The following MIOX variants were observed in gnomAD, a reference collection of about 807,000 sequenced individuals.
MIOX encodes myo-inositol oxygenase, also known as inositol oxygenase.
MIOX carries 51 observed loss-of-function variants against 42.7 expected under a neutral mutation model. The ratio of observed to expected loss-of-function variants is 1.19; its 90% CI spans 0.95 to 1.51. The LOEUF (loss-of-function observed/expected upper bound fraction) is 1.51. MIOX is among the 40% of genes most tolerant of loss of function. The probability of loss-of-function intolerance (pLI) is 0.00; values close to 1 mark genes in which losing one functional copy is unlikely to be tolerated. For missense variants in MIOX, 395 were observed against 381.3 expected (o/e 1.04, Z -0.30); for synonymous variants, 168 against 154.4 (o/e 1.09, Z -0.65).
intron 1 of MIOX, among the ~76,000 whole-genome samples, 192 bp from the exon 2 acceptor site, chr22:50,487,193 G>A (rs2068279850): frequency 6.6e-6 from 1 of 152,204 alleles, no homozygotes; most frequent in East Asian, 1.9e-4. Flanking sequence ...ACCTGGGAGT[G>A]AGAGCTCCTG....
rs564759857 is a variant in MIOX at position 50,487,409 on chromosome 22, C to G, written c.40C>G (p.Arg14Gly). The change falls in exon 2 of 10, where the codon CGA becomes GGA. Residue 14 changes from arginine (R) to glycine (G), a missense_variant. Coordinates refer to ENST00000216075, the MANE Select transcript of MIOX (RefSeq NM_017584.6). ...GGGCCCAGACCCTTCCCTGGTCTAC[C>G]GACCTGATGTGGACCCAGAGGTGGC... ...TVGPDPSLVY[R>G]PDVDPEVAKD... 8 of 1,613,816 alleles carry G rather than the reference C, an allele frequency of 5.0e-6. No homozygotes were observed. In the African/African-American group the frequency reaches 9.3e-5, roughly 19 times the overall value.
In MIOX at chr22:50,489,951, A is replaced by G; in HGVS notation, c.*95A>G. On this transcript the variant is annotated 3_prime_UTR_variant, in exon 10 of 10. Transcript: ENST00000216075. ...GGGCAAACAGCCGCCATCAGGGTTC[A>G]CCTCGGTGGGGGACCCCACTCACCC... 8.2e-7 allele frequency: 1 copy of G among 1,220,000 alleles called. No individual in the cohort carries two copies. Among genetic ancestry groups the G allele is most frequent in the Non-Finnish European group, 1.2e-6 (1 of 848,098 alleles). The allele number at this position is 1,220,000 out of a possible 1,614,324, so 75.6% of individuals were successfully genotyped here.
rs749557963 is a variant in MIOX at position 50,488,279 on chromosome 22, G to T, written c.345G>T (p.Trp115Cys). Residue 115 changes from tryptophan (W) to cysteine (C), a missense_variant, in exon 5 of 10, where the codon TGG becomes TGT. Coordinates refer to ENST00000216075, the MANE Select transcript of MIOX (RefSeq NM_017584.6). The stretch of plus-strand genomic sequence containing the variant: ...CCCTGTCCATCCCCCTCCCAGACTG[G>T]TTCCACCTCGTCGGGCTCCTGCACG... Reference protein sequence around the residue: ...GIRKAHPDKDWFHLVGLLHDL... With the variant: ...GIRKAHPDKDCFHLVGLLHDL... 386 of 1,613,348 alleles carry T rather than the reference G, an allele frequency of 2.4e-4. 6 individuals carry two copies. In the East Asian group the frequency reaches 8.5e-3, roughly 36 times the overall value.
rs554304958 is a variant in MIOX at position 50,489,956 on chromosome 22, G to A, written c.*100G>A. On this transcript the variant is annotated 3_prime_UTR_variant, in exon 10 of 10. Transcript: ENST00000216075. ...AACAGCCGCCATCAGGGTTCACCTC[G>A]GTGGGGGACCCCACTCACCCCCTTA... 13 of 1,151,734 alleles carry A rather than the reference G, an allele frequency of 1.1e-5. No individual in the cohort carries two copies. In the East Asian group the frequency reaches 1.5e-4, roughly 13 times the overall value. The allele number at this position is 1,151,734 out of a possible 1,614,324, so 71.3% of individuals were successfully genotyped here. A position where few individuals can be genotyped will look rare whatever the true frequency, so the allele number is the denominator to read the frequency against.
intron 4 of MIOX, 60 bp downstream of exon 4, chr22:50,488,108 GC>G: frequency 1.2e-6 from 2 of 1,606,292 alleles, no homozygotes; most frequent in South Asian, 2.2e-5. Flanking sequence ...GAATGCAGCA[GC>G]CTGTAGGGTG....
At position 50,490,116 on chromosome 22, in the gene MIOX, G is replaced by A; in HGVS notation, c.*260G>A. ...CGAGGGATGGTGCCAGCAGGGTGGA[G>A]GCCAAGTCCCAGGCTTTCAGGTGTG... On this transcript the variant is annotated 3_prime_UTR_variant, in exon 10 of 10. Transcript: ENST00000216075. 1 of 523,852 alleles carries A rather than the reference G, an allele frequency of 1.9e-6. No individual in the cohort carries two copies. The highest frequency in any genetic ancestry group is 3.5e-6 in the Non-Finnish European group (1 of 287,710). 32.5% of individuals were successfully genotyped at this position (523,852 alleles called of 1,614,324 possible).
At chr22:50,488,917 G>T (rs2068318089) in intron 5 of MIOX, 123 bp from the exon 6 acceptor site, 10 of 679,736 alleles carry the variant, frequency 1.5e-5, no homozygotes, top group Admixed American at 2.3e-5. Flanking sequence ...GCAGTCATCG[G>T]TGACACCTTC....
chr22:50,489,165 G>A lies in MIOX; in HGVS notation c.518+16G>A. 1 of 1,612,742 alleles carries A rather than the reference G, an allele frequency of 6.2e-7. No individual in the cohort carries two copies. Among genetic ancestry groups the A allele is most frequent in the Non-Finnish European group, 8.5e-7 (1 of 1,179,704 alleles). On this transcript the variant is annotated intron_variant, in intron 6 of 9. Transcript: ENST00000216075. Reference sequence around the variant, plus strand: ...CTCGATACAGGTGCTCCCTGCTGCTGAGGGCTGGGCCCCCTTCCCTGGGCG... The same window carrying A: ...CTCGATACAGGTGCTCCCTGCTGCTAAGGGCTGGGCCCCCTTCCCTGGGCG...
chr22:50,489,240 G>T lies in MIOX; in HGVS notation c.531G>T (p.Gly177=). The change falls in exon 7 of 10, where the codon GGG becomes GGT. Residue 177 remains glycine (G), a synonymous_variant. Coordinates refer to ENST00000216075, the MANE Select transcript of MIOX (RefSeq NM_017584.6). The part of the protein sequence containing the change: ...LQDPRYSTEL[G]MYQPHCGLDR... ...TATCTCACTGCAGCACAGAGCTCGG[G>T]ATGTATCAGCCCCACTGTGGGCTCG... is the stretch of plus-strand genomic sequence containing the variant. 6.2e-7 allele frequency: 1 copy of T among 1,607,262 alleles called. No individual in the cohort carries two copies.
intron 5 of MIOX, among the ~76,000 whole-genome samples, chr22:50,488,781 C>T (rs2068313662): frequency 1.3e-5 from 1 of 78,390 alleles, no homozygotes; most frequent in African/African-American, 5.9e-5. Flanking sequence ...TCCCTCCCAT[C>T]CCTCCCGTCC....
rs1214123643 is a variant in MIOX, at chr22:50,489,249, G to A, written c.540G>A (p.Gln180=). The change falls in exon 7 of 10, where the codon CAG becomes CAA. Residue 180 remains glutamine, a synonymous_variant. Coordinates refer to ENST00000216075, the MANE Select transcript of MIOX (RefSeq NM_017584.6). The stretch of plus-strand genomic sequence containing the variant: ...GCAGCACAGAGCTCGGGATGTATCA[G>A]CCCCACTGTGGGCTCGACAGGGTCC... ...PRYSTELGMY[Q]PHCGLDRVLM... is the part of the protein sequence containing the mutation. 2 of 1,605,082 alleles carry A rather than the reference G, an allele frequency of 1.2e-6. No homozygotes were observed. Among genetic ancestry groups the A allele is most frequent in the African/African-American group, 1.3e-5 (1 of 74,476 alleles).
chr22:50,488,787 CGTCCCTCCT>C (rs1206806006), intron 5 of MIOX, among the ~76,000 whole-genome samples: 2 of 88,944 alleles, frequency 2.2e-5, no homozygotes, highest in Admixed American at 1.5e-4. Context: ...CCATCCCTCC[CGTCCCTCCT>C]GTCCCTCCCG....
rs1420199986 is a variant in MIOX, at chr22:50,489,394, C to A, written c.587-3C>A. The stretch of plus-strand genomic sequence containing the variant: ...GCCTGCTGGTGACACCCTCTCCCCA[C>A]AGAGTACATGTACCAGGTGATGAAG... On this transcript the variant is annotated splice_region_variant and splice_polypyrimidine_tract_variant and intron_variant, in intron 7 of 9. Coordinates refer to ENST00000216075, the MANE Select transcript of MIOX (RefSeq NM_017584.6). 1 of 1,586,188 alleles carries A rather than the reference C, an allele frequency of 6.3e-7. No individual in the cohort carries two copies. Among genetic ancestry groups the A allele is most frequent in the South Asian group, 1.1e-5 (1 of 89,504 alleles).
At chr22:50,488,479 C>A (rs896351948) in intron 5 of MIOX, 137 bp downstream of exon 5, 4 of 668,486 alleles carry the variant, frequency 6.0e-6, no homozygotes, top group Non-Finnish European at 1.0e-5. Context: ...GGCTGCCTGT[C>A]CCTCTGGTGG....
At chr22:50,487,792 A>G (rs757473561) in intron 3 of MIOX, 50 bp downstream of exon 3, 1 of 1,610,912 alleles carries the variant, frequency 6.2e-7, no homozygotes, top group Non-Finnish European at 8.5e-7. Context: ...CCTTGCCCTC[A>G]GCCCCATGAG....
At chr22:50,487,794 C>T in intron 3 of MIOX, 52 bp downstream of exon 3, 2 of 1,610,874 alleles carry the variant, frequency 1.2e-6, no homozygotes, top group Non-Finnish European at 1.7e-6. Context: ...TTGCCCTCAG[C>T]CCCATGAGCC....
At chr22:50,489,012 G>T (rs746161378) in intron 5 of MIOX, 28 bp from the exon 6 acceptor site, 5 of 746,488 alleles carry the variant, frequency 6.7e-6, no homozygotes, top group African/African-American at 6.6e-5. Context: ...TCCCCCCATG[G>T]CCTCCCGTCC....
At chr22:50,487,316 TG>T in intron 1 of MIOX, 68 bp from the exon 2 acceptor site, 1 of 1,356,192 alleles carries the variant, frequency 7.4e-7, no homozygotes, top group Non-Finnish European at 1.0e-6. Flanking sequence ...GCAGCCACCC[TG>T]GGAATGTCTG....
Position 50,488,018 on chromosome 22 carries a change from G to A in MIOX, c.310G>A (p.Glu104Lys). 1 of 1,613,854 alleles carries A rather than the reference G, an allele frequency of 6.2e-7. No individual in the cohort carries two copies. Among genetic ancestry groups the A allele is most frequent in the South Asian group, 1.1e-5 (1 of 91,090 alleles). The change falls in exon 4 of 10, where the codon GAG (glutamate) becomes AAG (lysine). Residue 104 changes from glutamate (E) to lysine (K), a missense_variant. Glu to Lys is a moderately conservative substitution (Grantham distance 56). Transcript: ENST00000216075. ...CTCCTTCCATGCCTTCCAGACAGCG[G>A]AGGGCATCCGGAAGGCCCACCCAGA... is the stretch of plus-strand genomic sequence containing the variant. ...PNSFHAFQTA[E>K]GIRKAHPDKD... is the part of the protein sequence containing the mutation.
Sources: allele counts gnomAD v4.1 joint callset (sites outside exome capture counted in the v4.1 genomes callset), GRCh38; gene constraint gnomAD v4.1.1; transcripts MANE v1.5; gene names NCBI Gene and HGNC (gene_info 2026-07-23, HGNC 2026-07-21).